Variants in NEDD4 observed in about 807,000 individuals in gnomAD.
NEDD4 encodes the protein NEDD4 E3 ubiquitin protein ligase.
Under a neutral mutation model 144.9 loss-of-function variants are expected in NEDD4, and 99 were observed. The observed-to-expected ratio is 0.68, with a 90% CI of 0.58 to 0.81. The LOEUF is 0.81. Among genes scored for constraint, NEDD4 ranks in the 30% least tolerant of loss-of-function variants. NEDD4 has a pLI of 0.00. For synonymous variants in NEDD4, 318 were observed against 350.6 expected (o/e 0.91, Z 1.04); for missense variants, 985 against 1,065.9 (o/e 0.92, Z 1.06).
chr15:55,953,637 T>C (rs1471693933), intron 2 of NEDD4, among the ~76,000 whole-genome samples: 1 of 152,072 alleles, frequency 6.6e-6, no homozygotes, highest in East Asian at 1.9e-4. Context: ...AGACGCGGTT[T>C]TGCCATCTTG....
intron 4 of NEDD4, 44 bp from the exon 5 acceptor site, chr15:55,924,743 C>T (rs367834563): frequency 6.5e-7 from 1 of 1,542,060 alleles, no homozygotes; most frequent in Non-Finnish European, 8.9e-7. Context: ...TAAACATCAA[C>T]CCACAGATAC....
intron 8 of NEDD4, 32 bp from the exon 9 acceptor site, chr15:55,863,111 C>T (rs373123879): frequency 8.3e-5 from 123 of 1,489,648 alleles, no homozygotes; most frequent in South Asian, 8.2e-4. Context: ...ATTAAGTTTA[C>T]GCATGATTTT....
At chr15:55,983,310 G>A (rs1475625739) in intron 1 of NEDD4, among the ~76,000 whole-genome samples, 7 of 150,796 alleles carry the variant, frequency 4.6e-5, no homozygotes, top group East Asian at 1.9e-4. Flanking sequence ...GCGTGCGCGC[G>A]CGTGCGTGCA....
intron 1 of NEDD4, among the ~76,000 whole-genome samples, chr15:55,977,413 C>T (rs1391715550): frequency 6.6e-6 from 1 of 152,188 alleles, no homozygotes; most frequent in Non-Finnish European, 1.5e-5. Flanking sequence ...TAACTACACT[C>T]TATGACATTT....
chr15:55,855,858 A>G (rs2034172314), intron 12 of NEDD4, among the ~76,000 whole-genome samples: 1 of 152,202 alleles, frequency 6.6e-6, no homozygotes, highest in African/African-American at 2.4e-5. Flanking sequence ...TGCCGTATGC[A>G]GCGGATCACC....
intron 5 of NEDD4, among the ~76,000 whole-genome samples, chr15:55,924,199 CTG>C (rs1413305783): frequency 6.6e-6 from 1 of 152,002 alleles, no homozygotes; most frequent in African/African-American, 2.4e-5. Flanking sequence ...CAGATTTCCT[CTG>C]TAGAAGAGTG....
intron 13 of NEDD4, among the ~76,000 whole-genome samples, chr15:55,851,734 C>G (rs1363518079): frequency 6.6e-6 from 1 of 151,982 alleles, no homozygotes; most frequent in Non-Finnish European, 1.5e-5. Flanking sequence ...ACCTTGGCCT[C>G]CCAAAGTGCT....
intron 6 of NEDD4, among the ~76,000 whole-genome samples, chr15:55,873,149 T>C (rs2034864109): frequency 6.6e-6 from 1 of 152,154 alleles, no homozygotes. Context: ...TCCCCTTGTC[T>C]GTCTTCTCTT....
intron 5 of NEDD4, among the ~76,000 whole-genome samples, chr15:55,894,255 T>TA (rs1305601185): frequency 6.6e-6 from 1 of 152,002 alleles, no homozygotes; most frequent in African/African-American, 2.4e-5. Context: ...AACACAACAA[T>TA]AAAAAAATAC....
At chr15:55,838,642 A>T in intron 21 of NEDD4, 38 bp from the exon 22 acceptor site, 1 of 1,423,440 alleles carries the variant, frequency 7.0e-7, no homozygotes, top group Non-Finnish European at 9.9e-7. Flanking sequence ...ATTTGTATCT[A>T]TAACACACCT....
At chr15:55,886,771 A>C (rs1052080987) in intron 5 of NEDD4, among the ~76,000 whole-genome samples, 1 of 152,054 alleles carries the variant, frequency 6.6e-6, no homozygotes, top group Admixed American at 6.5e-5. Flanking sequence ...AAAAAAAAAA[A>C]AAATTGAAAT....
chr15:55,879,888 G>A (rs2035122884), intron 5 of NEDD4, among the ~76,000 whole-genome samples: 1 of 152,098 alleles, frequency 6.6e-6, no homozygotes, highest in Non-Finnish European at 1.5e-5. Flanking sequence ...AAATTCAAAA[G>A]TCAACATCGA....
At chr15:55,844,289 T>G (rs1180847844) in intron 18 of NEDD4, among the ~76,000 whole-genome samples, 12 of 152,008 alleles carry the variant, frequency 7.9e-5, no homozygotes, top group Non-Finnish European at 2.9e-5. Context: ...GAAGAGAGTT[T>G]CTGGGTTGGG....
intron 4 of NEDD4, among the ~76,000 whole-genome samples, chr15:55,931,533 A>G (rs762608202): frequency 6.6e-6 from 1 of 152,214 alleles, no homozygotes; most frequent in Non-Finnish European, 1.5e-5. Context: ...TAAAAATATC[A>G]GTGACAGACT....
At chr15:55,966,063 T>C (rs1206635424) in intron 2 of NEDD4, among the ~76,000 whole-genome samples, 1 of 152,202 alleles carries the variant, frequency 6.6e-6, no homozygotes, top group African/African-American at 2.4e-5. Flanking sequence ...ATTCATAGTA[T>C]CAGGAACTCA....
chr15:55,940,491 CCCTCCTT>C (rs1284288268), intron 4 of NEDD4, among the ~76,000 whole-genome samples: 1 of 136,204 alleles, frequency 7.3e-6, no homozygotes, highest in Non-Finnish European at 1.6e-5. Context: ...CTCCCTCTCT[CCCTCCTT>C]CCTCCTTCCC....
At position 55,848,311 on chromosome 15, in the gene NEDD4, T is replaced by C. The variant is rs951587113; in HGVS notation, c.1542+61A>G. On this transcript the variant is annotated intron_variant, in intron 17 of 28. Coordinates refer to ENST00000435532, the MANE Select transcript of NEDD4 (RefSeq NM_006154.4). ...CTGTAGGGTTATGCCCGTGACTATC[T>C]GCTCTTGAAGAGACAGGTGAGCGGA... 8 of 1,517,490 alleles carry C rather than the reference T, an allele frequency of 5.3e-6. No homozygotes were observed. The African/African-American group carries it at 6.8e-5, about 13-fold the overall frequency. The allele number at this position is 1,517,490 out of a possible 1,614,324, so 94.0% of individuals were successfully genotyped here. A position where few individuals can be genotyped will look rare whatever the true frequency, so the allele number is the denominator to read the frequency against.
chr15:55,984,712 G>T (rs897901498), intron 1 of NEDD4, among the ~76,000 whole-genome samples: 4 of 152,116 alleles, frequency 2.6e-5, no homozygotes, highest in Admixed American at 2.0e-4. Context: ...TTTTGTTTGT[G>T]CTGTGCCTTT....
intron 4 of NEDD4, 91 bp from the exon 5 acceptor site, chr15:55,924,790 G>C: frequency 2.3e-6 from 3 of 1,286,812 alleles, no homozygotes; most frequent in Non-Finnish European, 3.3e-6. Context: ...CCATTTGGTC[G>C]GGCATGGTGG....
Sources: allele counts gnomAD v4.1 joint callset (sites outside exome capture counted in the v4.1 genomes callset), GRCh38; gene constraint gnomAD v4.1.1; transcripts MANE v1.5; gene names NCBI Gene and HGNC (gene_info 2026-07-23, HGNC 2026-07-21).